ALDH1L1: variants seen among roughly 807,000 people sequenced by gnomAD.
ALDH1L1 encodes cytosolic 10-formyltetrahydrofolate dehydrogenase.
In ALDH1L1, 68 loss-of-function variants were observed where a neutral mutation model predicts 101.1. That is an observed-to-expected ratio of 0.67 (90% CI 0.55 to 0.82). The LOEUF is 0.82. Ranked by LOEUF, ALDH1L1 falls within the 40% of genes least tolerant of loss-of-function variation. The pLI, the probability that ALDH1L1 is intolerant of heterozygous loss-of-function variation, is 0.00. For synonymous variants in ALDH1L1, 486 were observed against 470.8 expected, an observed-to-expected ratio of 1.03 and a Z score of -0.42; for missense variants, 1,087 against 1,172.7, an observed-to-expected ratio of 0.93 and a Z score of 1.07.
chr3:126,103,914 T>A, intron 22 of ALDH1L1, 68 bp from the exon 23 acceptor site: 1 of 1,561,312 alleles, frequency 6.4e-7, no homozygotes, highest in Non-Finnish European at 8.7e-7. Context: ...GCTGCAAGTG[T>A]CTTATTCCTC....
At chr3:126,127,888 C>A (rs2080221093) in intron 14 of ALDH1L1, among the ~76,000 whole-genome samples, 1 of 152,212 alleles carries the variant, frequency 6.6e-6, no homozygotes, top group Non-Finnish European at 1.5e-5. Flanking sequence ...TCTGAATGCT[C>A]ACACAGAGAA....
intron 2 of ALDH1L1, chr3:126,159,489 GC>G (rs1366294023): frequency 6.6e-6 from 3 of 456,614 alleles, no homozygotes; most frequent in African/African-American, 6.0e-5. Flanking sequence ...CTCTGTTAGA[GC>G]CTCTGGTGTG....
intron 4 of ALDH1L1, 57 bp from the exon 5 acceptor site, chr3:126,155,560 C>A (rs2080888888): frequency 1.3e-6 from 2 of 1,482,874 alleles, no homozygotes; most frequent in African/African-American, 1.4e-5. Flanking sequence ...TCCTTCCCAG[C>A]CCCAGGGCCC....
chr3:126,113,002 T>C, intron 18 of ALDH1L1, 122 bp from the exon 19 acceptor site: 1 of 788,994 alleles, frequency 1.3e-6, no homozygotes, highest in Non-Finnish European at 2.1e-6. Flanking sequence ...CCTGATCTCC[T>C]CCTGTGGGCC....
intron 1 of ALDH1L1, among the ~76,000 whole-genome samples, chr3:126,171,465 A>C (rs2081274917): frequency 9.1e-6 from 1 of 109,798 alleles, no homozygotes; most frequent in Non-Finnish European, 2.0e-5. Context: ...TCAGTCTGTA[A>C]GAGAGTGTGC....
intron 3 of ALDH1L1, 21 bp downstream of exon 3, chr3:126,158,373 GGATGGCCCCCT>G: frequency 6.6e-7 from 1 of 1,513,298 alleles, no homozygotes; most frequent in Non-Finnish European, 9.0e-7. Flanking sequence ...ACATGTATGG[GGATGGCCCCCT>G]GTGTTTTTGC....
intron 8 of ALDH1L1, among the ~76,000 whole-genome samples, chr3:126,150,126 A>G (rs564029564): frequency 1.3e-5 from 2 of 152,316 alleles, no homozygotes; most frequent in Admixed American, 6.5e-5. Flanking sequence ...ACTCTTTCAA[A>G]TATTCCAGGA....
intron 20 of ALDH1L1, 96 bp from the exon 21 acceptor site, chr3:126,107,342 C>A (rs1048747117): frequency 1.0e-6 from 1 of 965,002 alleles, no homozygotes; most frequent in African/African-American, 1.6e-5. Context: ...CAGCCACCTG[C>A]GGATGACCCG....
upstream of ALDH1L1, chr3:126,180,640 C>A: frequency 7.6e-7 from 1 of 1,307,704 alleles, no homozygotes; most frequent in Non-Finnish European, 9.8e-7. Flanking sequence ...GGGAGGGGCG[C>A]GGGGCGGGCG....
At chr3:126,181,090 G>T (rs949153352), upstream of ALDH1L1, 2 of 1,238,886 alleles carry the variant, frequency 1.6e-6, no homozygotes, top group African/African-American at 1.5e-5. Context: ...CCCGCCCAGT[G>T]CCTACCCGCC....
At chr3:126,162,294 A>G (rs2081075713) in intron 1 of ALDH1L1, among the ~76,000 whole-genome samples, 1 of 152,202 alleles carries the variant, frequency 6.6e-6, no homozygotes, top group Non-Finnish European at 1.5e-5. Context: ...CCAGTTTTCC[A>G]GAGTGGTTGT....
intron 20 of ALDH1L1, among the ~76,000 whole-genome samples, 180 bp downstream of exon 20, chr3:126,109,764 G>A (rs955301529): frequency 5.9e-5 from 9 of 152,108 alleles, no homozygotes; most frequent in South Asian, 2.1e-4. Flanking sequence ...TCCCATCCCC[G>A]GGTCTGGCTG....
At chr3:126,158,347 T>G (rs1477613832) in intron 3 of ALDH1L1, 58 bp downstream of exon 3, 2 of 1,440,018 alleles carry the variant, frequency 1.4e-6, no homozygotes, top group Non-Finnish European at 1.9e-6. Context: ...AAGTGACAAG[T>G]CAGGCTGATG....
intron 19 of ALDH1L1, among the ~76,000 whole-genome samples, chr3:126,112,464 A>C (rs1307776893): frequency 6.6e-6 from 1 of 152,130 alleles, no homozygotes; most frequent in Non-Finnish European, 1.5e-5. Context: ...TCCAGGCTTC[A>C]CCCAAGAGTC....
upstream of ALDH1L1, among the ~76,000 whole-genome samples, chr3:126,182,187 C>A (rs1559983362): frequency 6.6e-6 from 1 of 152,110 alleles, no homozygotes. Flanking sequence ...CACTCTGTCA[C>A]CCAGGCTAGA....
chr3:126,161,934 GAT>G (rs34367231), intron 1 of ALDH1L1, among the ~76,000 whole-genome samples: 8 of 150,576 alleles, frequency 5.3e-5, no homozygotes, highest in Middle Eastern at 3.4e-3. Flanking sequence ...GGTTTCGCTT[GAT>G]ATATATATAT....
chr3:126,138,104 A>C, intron 9 of ALDH1L1, 144 bp from the exon 10 acceptor site: 1 of 1,068,358 alleles, frequency 9.4e-7, no homozygotes, highest in South Asian at 1.6e-5. Context: ...ACTGGGGAGA[A>C]GGGCTCAGGC....
intron 8 of ALDH1L1, 65 bp from the exon 9 acceptor site, chr3:126,146,991 C>A (rs2080704880): frequency 1.3e-6 from 2 of 1,489,364 alleles, no homozygotes; most frequent in South Asian, 1.2e-5. Flanking sequence ...CACTCCAGGA[C>A]AACAACCCCT....
chr3:126,164,339 G>A (rs2108311063), intron 1 of ALDH1L1, among the ~76,000 whole-genome samples: 1 of 152,314 alleles, frequency 6.6e-6, no homozygotes, highest in Non-Finnish European at 1.5e-5. Flanking sequence ...CACCCAGGTA[G>A]TAAGCACAGT....
Sources: allele counts gnomAD v4.1 joint callset (sites outside exome capture counted in the v4.1 genomes callset), GRCh38; gene constraint gnomAD v4.1.1; transcripts MANE v1.5; gene names NCBI Gene and HGNC (gene_info 2026-07-23, HGNC 2026-07-21).